Variants in PRDM9 observed in about 807,000 individuals in gnomAD.
PRDM9 encodes PR/SET domain 9.
Under a neutral mutation model 55.6 loss-of-function variants are expected in PRDM9, and 47 were observed. The observed-to-expected ratio is 0.85, with a 90% CI of 0.67 to 1.08. PRDM9 has a LOEUF of 1.08. Ranked by LOEUF, PRDM9 falls within the 50% of genes least tolerant of loss-of-function variation. The pLI is 0.00. For synonymous variants in PRDM9, 312 were observed against 375.7 expected (o/e 0.83, Z 1.96); for missense variants, 867 against 1,040.3 (o/e 0.83, Z 2.29).
chr5:23,522,470 T>A, intron 7 of PRDM9, 65 bp downstream of exon 7: 1 of 1,585,382 alleles, frequency 6.3e-7, no homozygotes, highest in Non-Finnish European at 8.7e-7. Context: ...ATTTCATCAT[T>A]TGGCCCACAA....
At position 23,526,242 on chromosome 5, in the gene PRDM9, C is replaced by T. The variant is rs764199648; in HGVS notation, c.1154C>T (p.Pro385Leu). The T allele has an allele frequency of 3.7e-6, 6 of 1,614,042 alleles. No individual in the cohort carries two copies. In the Admixed American group the frequency reaches 1.0e-4, roughly 27 times the overall value. Residue 385 changes from proline (P) to leucine (L), a missense_variant, in exon 11 of 11, where the codon CCA (proline) becomes CTA (leucine). Transcript: ENST00000296682. ...AAACTTCCTCTTTCAGAACCAAAGC[C>T]AGAGATCCATCCATGTCCCTCATGC... ...KELMAGREPK[P>L]EIHPCPSCCL... is the part of the protein sequence containing the mutation.
intron 4 of PRDM9, among the ~76,000 whole-genome samples, chr5:23,515,785 T>C (rs1163112405): frequency 6.6e-6 from 1 of 152,252 alleles, no homozygotes; most frequent in Admixed American, 6.5e-5. Flanking sequence ...CTCCATTGTG[T>C]AGTCTTGGCA....
At position 23,526,785 on chromosome 5, in the gene PRDM9, A is replaced by G. The variant is rs536905714; in HGVS notation, c.1697A>G (p.His566Arg). Residue 566 changes from histidine to arginine, a missense_variant, in exon 11 of 11, where the codon CAC (histidine) becomes CGC (arginine). His to Arg is a conservative substitution (Grantham distance 29, BLOSUM62 0). Around this residue, in one of 5 missense-constraint regions of PRDM9, gnomAD observed 662 missense variants for 711.9 expected, o/e 0.93. Coordinates refer to ENST00000296682, the MANE Select transcript of PRDM9 (RefSeq NM_020227.4). ...GGGCGGGGCTTTAGCTGGAAGTCAC[A>G]CCTCCTCATTCACCAGAGGATACAC... ...ECGRGFSWKSHLLIHQRIHTG... is the reference protein window; with the variant it reads ...ECGRGFSWKSRLLIHQRIHTG... 2.0e-6 allele frequency: 3 copies of G among 1,523,598 alleles called. No individual in the cohort carries two copies. The highest frequency in any genetic ancestry group is 2.6e-6 in the Non-Finnish European group (3 of 1,135,050). The allele number at this position is 1,523,598 out of a possible 1,614,324, so 94.4% of individuals were successfully genotyped here.
intron 4 of PRDM9, among the ~76,000 whole-genome samples, chr5:23,515,291 T>C (rs1452120375): frequency 6.6e-6 from 1 of 152,106 alleles, no homozygotes; most frequent in Non-Finnish European, 1.5e-5. Context: ...TCTTCTTTTT[T>C]TGAGTCAGAG....
intron 6 of PRDM9, among the ~76,000 whole-genome samples, chr5:23,521,841 C>G (rs369065936): frequency 1.2e-3 from 177 of 152,280 alleles, no homozygotes; most frequent in African/African-American, 3.6e-3. Flanking sequence ...TGAACCCATA[C>G]ATGCAAGGTG....
chr5:23,515,586 G>C (rs1329098578), intron 4 of PRDM9, among the ~76,000 whole-genome samples: 1 of 152,088 alleles, frequency 6.6e-6, no homozygotes, highest in East Asian at 1.9e-4. Flanking sequence ...AGAAGTTATT[G>C]TTCATTTCAA....
At chr5:23,523,227 A>G (rs1265643271) in intron 8 of PRDM9, 64 bp from the exon 9 acceptor site, 13 of 1,541,330 alleles carry the variant, frequency 8.4e-6, no homozygotes, top group Non-Finnish European at 1.2e-5. Flanking sequence ...ACGACAGTGG[A>G]GTAAAATAAT....
Position 23,527,334 on chromosome 5 carries a change from TC to T in PRDM9, c.2247del (p.Cys750AlafsTer189), listed in dbSNP as rs1431258477. ...ACACACACAGGGGAGAAGCCCTATG[TC>T]TGCAGGGAGTGTGGGCGGGGCTTTC... ...QRTHTGEKPY[V>X]CRECGRGFRD... On this transcript the variant is annotated frameshift_variant, in exon 11 of 11. Coordinates refer to ENST00000296682, the MANE Select transcript of PRDM9 (RefSeq NM_020227.4). LOFTEE classifies it low-confidence loss of function (END_TRUNC). The T allele has an allele frequency of 2.0e-6, 3 of 1,530,702 alleles. No homozygotes were observed. Among genetic ancestry groups the T allele is most frequent in the Non-Finnish European group, 1.7e-6 (2 of 1,149,744 alleles). The allele number at this position is 1,530,702 out of a possible 1,614,324, so 94.8% of individuals were successfully genotyped here. A position where few individuals can be genotyped will look rare whatever the true frequency, so the allele number is the denominator to read the frequency against.
rs774278124 is a variant in PRDM9, at chr5:23,526,456, C to T, written c.1368C>T (p.Ile456=). 1.9e-6 allele frequency: 3 copies of T among 1,614,098 alleles called. No homozygotes were observed. Among genetic ancestry groups the T allele is most frequent in the African/African-American group, 2.7e-5 (2 of 75,018 alleles). ...SRNDKTKGQE[I]KERSKLLNKR... ...ATGACAAAACCAAAGGTCAAGAGATCAAAGAAAGGTCCAAACTCTTGAATA... is the reference window on the plus strand; with the variant it reads ...ATGACAAAACCAAAGGTCAAGAGATTAAAGAAAGGTCCAAACTCTTGAATA... Residue 456 remains isoleucine, a synonymous_variant, in exon 11 of 11, where the codon ATC becomes ATT. Transcript: ENST00000296682.
At chr5:23,509,325 A>AC in intron 2 of PRDM9, 145 bp from the exon 3 acceptor site, 1 of 1,471,130 alleles carries the variant, frequency 6.8e-7, no homozygotes, top group Non-Finnish European at 9.5e-7. Context: ...GTTAAATGGG[A>AC]CACAGTCTGG....
In PRDM9 at chr5:23,508,552, G is replaced by T. The variant is rs116773071; in HGVS notation, c.-84-398G>T. Among the ~76,000 whole-genome samples the T allele has an allele frequency of 9.7e-3, 1,477 of 152,186 alleles. 21 individuals carry two copies. Among genetic ancestry groups the T allele is most frequent in the African/African-American group, 0.031 (1,299 of 41,504 alleles). ...CCTGTCTATGCGAAATGTTCATTTT[G>T]TCTCGCTGAAACAGAACTCTGCCCC... is the stretch of plus-strand genomic sequence containing the variant. On this transcript the variant is annotated intron_variant, in intron 1 of 10. Coordinates refer to ENST00000296682, the MANE Select transcript of PRDM9 (RefSeq NM_020227.4).
At chr5:23,508,911 A>G in intron 1 of PRDM9, 39 bp from the exon 2 acceptor site, 1 of 1,160,466 alleles carries the variant, frequency 8.6e-7, no homozygotes, top group Non-Finnish European at 1.3e-6. Context: ...GGTAGTGCTC[A>G]GGGCTGTTGC....
Position 23,527,895 on chromosome 5 carries a change from A to T in PRDM9, c.*122A>T, listed in dbSNP as rs1739513019. ...GTCTGCTGACCCCTTATATTCCCCG[A>T]GAGTATAAAGAGATCGGAAATAACT... On this transcript the variant is annotated 3_prime_UTR_variant, in exon 11 of 11. Transcript: ENST00000296682. 2.5e-6 allele frequency: 3 copies of T among 1,213,026 alleles called. No homozygotes were observed. The highest frequency in any genetic ancestry group is 2.4e-6 in the Non-Finnish European group (2 of 841,652). The allele number at this position is 1,213,026 out of a possible 1,614,324, so 75.1% of individuals were successfully genotyped here.
At chr5:23,513,819 CAGTG>C (rs999978084) in intron 4 of PRDM9, among the ~76,000 whole-genome samples, 2 of 151,748 alleles carry the variant, frequency 1.3e-5, no homozygotes, top group African/African-American at 4.8e-5. Context: ...GCAGAGGTTT[CAGTG>C]AGCCGAGATC....
rs751485824 is a variant in PRDM9, at chr5:23,522,686, G to A, written c.683G>A (p.Ser228Asn). 6.8e-6 allele frequency: 11 copies of A among 1,614,092 alleles called. No individual in the cohort carries two copies. The Admixed American group carries it at 1.8e-4, about 27-fold the overall frequency. Residue 228 changes from serine to asparagine, a missense_variant, in exon 8 of 11, where the codon AGT becomes AAT. Physicochemically the swap from Ser to Asn is conservative, Grantham distance 46. This residue lies in a region of PRDM9 where 662 missense variants were observed against 711.9 expected (regional missense o/e 0.93). Transcript: ENST00000296682. ...AHGPPTFVKDSAVDKGHPNRS... is the reference protein window; with the variant it reads ...AHGPPTFVKDNAVDKGHPNRS... ...GGGCCCCCTACATTTGTAAAGGACA[G>A]TGCAGTGGACAAGGGGCACCCCAAC...
intron 4 of PRDM9, among the ~76,000 whole-genome samples, chr5:23,516,853 G>A (rs2126418040): frequency 6.7e-6 from 1 of 148,462 alleles, no homozygotes. Context: ...CTGATTAGCT[G>A]GGACTACAGG....
chr5:23,520,182 TA>T (rs1739300826), intron 5 of PRDM9, among the ~76,000 whole-genome samples: 1 of 151,526 alleles, frequency 6.6e-6, no homozygotes, highest in Admixed American at 6.6e-5. Flanking sequence ...CTGGCCAACC[TA>T]GTGAAACCCC....
chr5:23,526,817 G>A lies in PRDM9; in HGVS notation c.1729G>A (p.Glu577Lys). The A allele has an allele frequency of 1.3e-6, 2 of 1,591,072 alleles. No homozygotes were observed. The highest frequency in any genetic ancestry group is 1.7e-6 in the Non-Finnish European group (2 of 1,169,686). The change falls in exon 11 of 11, where the codon GAG (glutamate) becomes AAG (lysine). Residue 577 changes from glutamate to lysine, a missense_variant. By Grantham distance (56) the Glu-to-Lys change is moderately conservative. Transcript: ENST00000296682. ...CATTCACCAGAGGATACACACAGGG[G>A]AGAAGCCCTATGTCTGCAGGGAGTG... ...LLIHQRIHTG[E>K]KPYVCRECGR... is the part of the protein sequence containing the mutation.
rs3805547 is a variant in PRDM9 at position 23,527,898 on chromosome 5, G to A, written c.*125G>A. The A allele has an allele frequency of 0.2, 236,974 of 1,195,358 alleles. 25,794 individuals are homozygous for A. The highest frequency in any genetic ancestry group is 0.36 in the East Asian group (14,391 of 39,490). The allele number at this position is 1,195,358 out of a possible 1,614,324, so 74.0% of individuals were successfully genotyped here. A position where few individuals can be genotyped will look rare whatever the true frequency, so the allele number is the denominator to read the frequency against. On this transcript the variant is annotated 3_prime_UTR_variant, in exon 11 of 11. Coordinates refer to ENST00000296682, the MANE Select transcript of PRDM9 (RefSeq NM_020227.4). ...TGCTGACCCCTTATATTCCCCGAGA[G>A]TATAAAGAGATCGGAAATAACTGAT... is the stretch of plus-strand genomic sequence containing the variant.
Sources: allele counts gnomAD v4.1 joint callset (sites outside exome capture counted in the v4.1 genomes callset), GRCh38; gene constraint gnomAD v4.1.1; regional missense constraint gnomAD v4.1.1; transcripts MANE v1.5; gene names NCBI Gene and HGNC (gene_info 2026-07-23, HGNC 2026-07-21).